Variants in DEUP1 observed in about 807,000 individuals in gnomAD.
DEUP1 encodes deuterosome assembly protein 1, also known as coiled-coil domain containing 67.
A neutral mutation model predicts 87.4 loss-of-function variants in DEUP1; 82 were observed. That is an observed-to-expected ratio of 0.94 (90% CI 0.78 to 1.13). DEUP1 has a LOEUF of 1.13. Ranked by LOEUF, DEUP1 falls within the 50% of genes most tolerant of loss-of-function variation. The pLI is 0.00. For missense variants in DEUP1, 663 were observed against 681.5 expected (o/e 0.97, Z 0.30); for synonymous variants, 214 against 222.7 (o/e 0.96, Z 0.35).
chr11:93,373,610 T>TAC (rs1945856139), intron 7 of DEUP1, among the ~76,000 whole-genome samples: 1 of 91,006 alleles, frequency 1.1e-5, no homozygotes, highest in African/African-American at 3.5e-5. Flanking sequence ...TATATTTATA[T>TAC]ATGTATATAT....
At chr11:93,411,000 G>C (rs1265232634) in intron 12 of DEUP1, 3 of 152,142 alleles carry the variant, frequency 2.0e-5, no homozygotes, top group South Asian at 2.1e-4. Flanking sequence ...GTTTTCCAGT[G>C]ACCTGTTTTT....
chr11:93,350,698 C>T (rs574579114), intron 2 of DEUP1, among the ~76,000 whole-genome samples: 40 of 152,006 alleles, frequency 2.6e-4, no homozygotes, highest in African/African-American at 9.2e-4. Context: ...ACCTGTAACC[C>T]CAGCACTTTG....
chr11:93,354,183 T>C (rs1170935665), intron 2 of DEUP1, among the ~76,000 whole-genome samples: 1 of 152,172 alleles, frequency 6.6e-6, no homozygotes, highest in South Asian at 2.1e-4. Flanking sequence ...AAGTTCAAAG[T>C]TCCACAAATC....
chr11:93,364,466 A>G (rs1945315921), intron 5 of DEUP1, among the ~76,000 whole-genome samples, 172 bp downstream of exon 5: 1 of 151,926 alleles, frequency 6.6e-6, no homozygotes, highest in Non-Finnish European at 1.5e-5. Context: ...TCAGGCACTT[A>G]GTGAATTAAA....
rs995362206 is a variant in DEUP1 at position 93,417,060 on chromosome 11, C to A, written c.1638+1946C>A. Among the ~76,000 whole-genome samples, 19 of 150,454 alleles carry A rather than the reference C, an allele frequency of 1.3e-4. 1 individual carries two copies. The South Asian group carries it at 1.3e-3, about 10-fold the overall frequency. On this transcript the variant is annotated intron_variant, in intron 13 of 13. Coordinates refer to ENST00000298050, the MANE Select transcript of DEUP1 (RefSeq NM_181645.4). ...TAATAAGAGCTATCTATGACAAACC[C>A]ATAGCCAATATCATACTGAATGGGC...
intron 9 of DEUP1, among the ~76,000 whole-genome samples, chr11:93,391,770 T>C (rs1418199543): frequency 1.3e-5 from 2 of 149,770 alleles, no homozygotes; most frequent in African/African-American, 4.9e-5. Flanking sequence ...GCCAAAGGGA[T>C]GCGATCAGCA....
chr11:93,361,778 C>A (rs557129203), intron 4 of DEUP1, among the ~76,000 whole-genome samples: 1 of 152,034 alleles, frequency 6.6e-6, no homozygotes, highest in East Asian at 1.9e-4. Flanking sequence ...CTTGACATAT[C>A]AATAATTACA....
At chr11:93,435,855 G>A (rs974952403) in intron 13 of DEUP1, among the ~76,000 whole-genome samples, 2 of 152,096 alleles carry the variant, frequency 1.3e-5, no homozygotes, top group Admixed American at 6.5e-5. Context: ...AATTAGCCGG[G>A]AGTGGTGGCG....
In DEUP1 at chr11:93,408,243, A is replaced by G; in HGVS notation, c.1339A>G (p.Thr447Ala). 1.3e-6 allele frequency: 2 copies of G among 1,572,180 alleles called. No homozygotes were observed. The highest frequency in any genetic ancestry group is 1.2e-5 in the South Asian group (1 of 84,674). ...DPGEYMSMDFTNREQSRHTSI... is the reference protein window; with the variant it reads ...DPGEYMSMDFANREQSRHTSI... ...TTTTATTCTCTAGAGTATGGACTTC[A>G]CTAACAGGGAACAGTCAAGGCATAC... Residue 447 changes from threonine to alanine, a missense_variant, in exon 12 of 14, where the codon ACT becomes GCT. Coordinates refer to ENST00000298050, the MANE Select transcript of DEUP1 (RefSeq NM_181645.4).
At chr11:93,331,350 G>C (rs10831026) in intron 1 of DEUP1, among the ~76,000 whole-genome samples, 46 of 150,936 alleles carry the variant, frequency 3.0e-4, no homozygotes, top group African/African-American at 1.1e-3. Flanking sequence ...AACTAAAATT[G>C]TGTTACTGAG....
chr11:93,419,668 T>C (rs1399001743), intron 13 of DEUP1, among the ~76,000 whole-genome samples: 1 of 151,994 alleles, frequency 6.6e-6, no homozygotes, highest in Admixed American at 6.6e-5. Flanking sequence ...TTTCAAGTTT[T>C]AAAGGAGATT....
intron 2 of DEUP1, among the ~76,000 whole-genome samples, chr11:93,336,616 A>AC (rs34928788): frequency 1.3e-5 from 2 of 151,524 alleles, no homozygotes; most frequent in Admixed American, 1.3e-4. Flanking sequence ...GTTGACCTTA[A>AC]CCCCCCCAGT....
At chr11:93,365,137 C>T (rs941205170) in intron 5 of DEUP1, among the ~76,000 whole-genome samples, 1 of 152,078 alleles carries the variant, frequency 6.6e-6, no homozygotes, top group African/African-American at 2.4e-5. Flanking sequence ...CAGCATCCCT[C>T]CCCTTGCCAG....
chr11:93,405,062 T>TAA (rs60310351), intron 11 of DEUP1, among the ~76,000 whole-genome samples: 10 of 151,660 alleles, frequency 6.6e-5, no homozygotes, highest in Non-Finnish European at 8.9e-5. Context: ...CAACATTGGA[T>TAA]AAAAAAAATC....
chr11:93,347,056 C>T (rs915217336), intron 2 of DEUP1, among the ~76,000 whole-genome samples: 5 of 152,104 alleles, frequency 3.3e-5, no homozygotes, highest in African/African-American at 7.2e-5. Flanking sequence ...CCTGATTGCC[C>T]TGGCCAGGAC....
intron 10 of DEUP1, among the ~76,000 whole-genome samples, chr11:93,395,356 T>G (rs1946908780): frequency 6.6e-6 from 1 of 152,186 alleles, no homozygotes; most frequent in Admixed American, 6.5e-5. Flanking sequence ...TTTAATAATT[T>G]TCTAGGCATA....
Position 93,355,554 on chromosome 11 carries a change from A to T in DEUP1, c.201+12A>T, listed in dbSNP as rs753756340. Reference sequence around the variant, plus strand: ...AGAAAGGTCAAGAGGTACTGAATACATATGTTAACAAATTGCTAATTCATC... The same window carrying T: ...AGAAAGGTCAAGAGGTACTGAATACTTATGTTAACAAATTGCTAATTCATC... On this transcript the variant is annotated intron_variant, in intron 3 of 13. Coordinates refer to ENST00000298050, the MANE Select transcript of DEUP1 (RefSeq NM_181645.4). 1.9e-6 allele frequency: 3 copies of T among 1,595,840 alleles called. No homozygotes were observed. Among genetic ancestry groups the T allele is most frequent in the African/African-American group, 1.3e-5 (1 of 74,088 alleles).
intron 13 of DEUP1, among the ~76,000 whole-genome samples, chr11:93,416,306 G>C (rs1399300380): frequency 1.3e-5 from 2 of 152,014 alleles, no homozygotes; most frequent in African/African-American, 4.8e-5. Context: ...AAGAAAAAAA[G>C]AGAGAAGAAT....
At chr11:93,431,011 G>T (rs559656833) in intron 13 of DEUP1, among the ~76,000 whole-genome samples, 3 of 148,598 alleles carry the variant, frequency 2.0e-5, no homozygotes, top group Non-Finnish European at 4.4e-5. Flanking sequence ...CAAGAGAATC[G>T]CTTGAACCCG....
Sources: allele counts gnomAD v4.1 joint callset (sites outside exome capture counted in the v4.1 genomes callset), GRCh38; gene constraint gnomAD v4.1.1; transcripts MANE v1.5; gene names NCBI Gene and HGNC (gene_info 2026-07-23, HGNC 2026-07-21).